XKR5: variants seen among roughly 807,000 people sequenced by gnomAD.
XKR5 encodes the protein XK-related protein 5.
Under a neutral mutation model 40.8 loss-of-function variants are expected in XKR5, and 46 were observed. The ratio of observed to expected loss-of-function variants is 1.13; its 90% CI spans 0.89 to 1.44. XKR5 has a LOEUF of 1.44. Among genes scored for constraint, XKR5 ranks in the 40% most tolerant of loss-of-function variants. The pLI is 0.00. For missense variants in XKR5, 1,169 were observed against 844.7 expected (o/e 1.38, Z -4.76); for synonymous variants, 466 against 356.1 (o/e 1.31, Z -3.48).
chr8:6,830,145 T>C (rs1406280552), intron 2 of XKR5, among the ~76,000 whole-genome samples: 2 of 152,198 alleles, frequency 1.3e-5, no homozygotes, highest in African/African-American at 4.8e-5. Context: ...CCTCAATCCT[T>C]GCATTTTTAT....
chr8:6,818,237 G>C (rs1259783513), intron 5 of XKR5, among the ~76,000 whole-genome samples: 1 of 152,190 alleles, frequency 6.6e-6, no homozygotes, highest in Non-Finnish European at 1.5e-5. Context: ...AGCTTTGCCT[G>C]AAACGTTCTA....
intron 2 of XKR5, among the ~76,000 whole-genome samples, chr8:6,831,641 C>G (rs1309757398): frequency 6.6e-6 from 1 of 152,032 alleles, no homozygotes; most frequent in Non-Finnish European, 1.5e-5. Flanking sequence ...GAACACCTTT[C>G]CAACCCTCAG....
intron 6 of XKR5, among the ~76,000 whole-genome samples, chr8:6,814,395 G>C (rs886309772): frequency 5.3e-5 from 8 of 152,098 alleles, no homozygotes; most frequent in Non-Finnish European, 7.4e-5. Context: ...CACACTGTGT[G>C]GTACTTTCAC....
intron 6 of XKR5, among the ~76,000 whole-genome samples, chr8:6,813,506 GA>G (rs1164975183): frequency 6.6e-6 from 1 of 152,222 alleles, no homozygotes; most frequent in Non-Finnish European, 1.5e-5. Context: ...GGTACTCAGT[GA>G]ATATTGGTCC....
At chr8:6,833,830 A>G (rs1034400936) in intron 1 of XKR5, among the ~76,000 whole-genome samples, 10 of 152,356 alleles carry the variant, frequency 6.6e-5, no homozygotes, top group African/African-American at 2.2e-4. Flanking sequence ...GGCATTCACT[A>G]AATGACATTG....
intron 6 of XKR5, among the ~76,000 whole-genome samples, chr8:6,815,079 G>A (rs1245777136): frequency 6.6e-6 from 1 of 152,252 alleles, no homozygotes; most frequent in Non-Finnish European, 1.5e-5. Flanking sequence ...GGCCCCACGT[G>A]AGAGGTGCAG....
chr8:6,823,266 A>G (rs1310789986), intron 4 of XKR5, among the ~76,000 whole-genome samples: 1 of 152,184 alleles, frequency 6.6e-6, no homozygotes, highest in African/African-American at 2.4e-5. Flanking sequence ...GCCTGTTTTT[A>G]TAGAAGACTA....
chr8:6,813,393 CT>C (rs1484619982), intron 6 of XKR5, among the ~76,000 whole-genome samples: 2 of 152,186 alleles, frequency 1.3e-5, no homozygotes, highest in African/African-American at 4.8e-5. Context: ...ACAAAGGCCC[CT>C]GATCACAGAA....
rs1804335274 is a variant in XKR5 at position 6,823,600 on chromosome 8, C to A, written c.558G>T (p.Arg186Ser). The A allele has an allele frequency of 6.3e-7, 1 of 1,596,336 alleles. No individual in the cohort carries two copies. The highest frequency in any genetic ancestry group is 8.5e-7 in the Non-Finnish European group (1 of 1,171,548). ...GCACGCGGGTTCCCAACATGCCCAT[C>A]CTCCAGAGCTGCTGGCAGAAGAGGG... ...WAALFCQQLW[R>S]MGMLGTRVLS... The change falls in exon 4 of 7, where the codon AGG becomes AGT. Residue 186 changes from arginine (R) to serine (S), a missense_variant. Coordinates refer to ENST00000618742, the MANE Select transcript of XKR5 (RefSeq NM_207411.5).
chr8:6,811,111 G>C lies in XKR5; in HGVS notation c.*87C>G. On this transcript the variant is annotated 3_prime_UTR_variant, in exon 7 of 7. Coordinates refer to ENST00000618742, the MANE Select transcript of XKR5 (RefSeq NM_207411.5). ...TGACAGTGATGTGCCCAAGGACACA[G>C]GTGTCAGAAGTGGGATTTCCTTTCT... 4 of 1,283,580 alleles carry C rather than the reference G, an allele frequency of 3.1e-6. No individual in the cohort carries two copies. The highest frequency in any genetic ancestry group is 4.2e-6 in the Non-Finnish European group (4 of 950,726). The allele number at this position is 1,283,580 out of a possible 1,614,324, so 79.5% of individuals were successfully genotyped here.
rs1803543972 is a variant in XKR5 at position 6,808,629 on chromosome 8, A to G, written c.*2569T>C. 1 of 152,224 alleles carries G rather than the reference A, an allele frequency of 6.6e-6. No individual in the cohort carries two copies. The highest frequency in any genetic ancestry group is 1.5e-5 in the Non-Finnish European group (1 of 68,044). 9.4% of individuals were successfully genotyped at this position (152,224 alleles called of 1,614,324 possible). A position where few individuals can be genotyped will look rare whatever the true frequency, so the allele number is the denominator to read the frequency against. ...TCTGGAGGCATGAAGTGAGGAAGCCATCTGAGAAGCCGATGTTGGTCCACA... is the reference window on the plus strand; with the variant it reads ...TCTGGAGGCATGAAGTGAGGAAGCCGTCTGAGAAGCCGATGTTGGTCCACA... On this transcript the variant is annotated 3_prime_UTR_variant, in exon 7 of 7. Coordinates refer to ENST00000618742, the MANE Select transcript of XKR5 (RefSeq NM_207411.5).
At chr8:6,825,093 G>T in intron 3 of XKR5, 72 bp downstream of exon 3, 1 of 1,572,398 alleles carries the variant, frequency 6.4e-7, no homozygotes. Context: ...GGAGGGTTTT[G>T]CTAAACAGGC....
intron 2 of XKR5, among the ~76,000 whole-genome samples, chr8:6,829,797 G>A (rs1804674441): frequency 6.8e-6 from 1 of 147,596 alleles, no homozygotes; most frequent in Non-Finnish European, 1.5e-5. Context: ...GATTACAGGT[G>A]TGAGCCGTCA....
In XKR5 at chr8:6,815,868, G is replaced by C. The variant is rs774111109; in HGVS notation, c.858C>G (p.Leu286=). The C allele has an allele frequency of 1.2e-6, 2 of 1,605,372 alleles. No homozygotes were observed. Among genetic ancestry groups the C allele is most frequent in the Non-Finnish European group, 1.7e-6 (2 of 1,176,162 alleles). The part of the protein sequence containing the change: ...IILLLLATDF[L]QGASWTSLQT... ...GCAGGCTGGTCCACGATGCCCCCTGGAGAAAGTCGGTGGCCAACAGCAACA... is the reference window on the plus strand; with the variant it reads ...GCAGGCTGGTCCACGATGCCCCCTGCAGAAAGTCGGTGGCCAACAGCAACA... Residue 286 remains leucine (L), a synonymous_variant, in exon 6 of 7, where the codon CTC becomes CTG. Coordinates refer to ENST00000618742, the MANE Select transcript of XKR5 (RefSeq NM_207411.5).
intron 6 of XKR5, 75 bp downstream of exon 6, chr8:6,815,732 C>A: frequency 9.7e-7 from 1 of 1,027,428 alleles, no homozygotes; most frequent in Non-Finnish European, 1.5e-6. Flanking sequence ...CAGTTTCCTA[C>A]CCTTTGAGCC....
chr8:6,811,586 C>G lies in XKR5; in HGVS notation c.1673G>C (p.Gly558Ala), dbSNP rs575318240. 2 of 1,537,264 alleles carry G rather than the reference C, an allele frequency of 1.3e-6. No homozygotes were observed. Among genetic ancestry groups the G allele is most frequent in the South Asian group, 1.2e-5 (1 of 84,048 alleles). Residue 558 changes from glycine to alanine, a missense_variant, in exon 7 of 7, where the codon GGC becomes GCC. Transcript: ENST00000618742. ...GGCCGTTTGCAGAGTAGCTGGGCTG[C>G]CTTCTTGTTGTGAGGATGTGGCCAC... The part of the protein sequence containing the change: ...AEVATSSQQE[G>A]SPATLQTAHS...
intron 1 of XKR5, 24 bp from the exon 2 acceptor site, chr8:6,832,924 G>A: frequency 6.5e-7 from 1 of 1,531,480 alleles, no homozygotes; most frequent in Non-Finnish European, 8.7e-7. Context: ...GGAAAGGCAA[G>A]CAGGTTGTTG....
In XKR5 at chr8:6,822,034, G is replaced by C; in HGVS notation, c.642C>G (p.Ala214=). The C allele has an allele frequency of 6.2e-7, 1 of 1,603,682 alleles. No homozygotes were observed. Among genetic ancestry groups the C allele is most frequent in the Non-Finnish European group, 8.5e-7 (1 of 1,174,966 alleles). ...GCCAGAATGTCATCACCAGCCAGTG[G>C]GCACCTGCAGAGAAGCCGGGTGCAG... is the stretch of plus-strand genomic sequence containing the variant. The part of the protein sequence containing the change: ...YHFWVFVVAG[A]HWLVMTFWLV... Residue 214 remains alanine, a synonymous_variant, in exon 5 of 7, where the codon GCC becomes GCG. Coordinates refer to ENST00000618742, the MANE Select transcript of XKR5 (RefSeq NM_207411.5).
intron 2 of XKR5, among the ~76,000 whole-genome samples, chr8:6,831,560 G>A (rs540404624): frequency 1.3e-5 from 2 of 152,126 alleles, no homozygotes; most frequent in African/African-American, 4.8e-5. Context: ...CAGTGCCTCC[G>A]GAGAAAGTCT....
Sources: allele counts gnomAD v4.1 joint callset (sites outside exome capture counted in the v4.1 genomes callset), GRCh38; gene constraint gnomAD v4.1.1; transcripts MANE v1.5; gene names NCBI Gene and HGNC (gene_info 2026-07-23, HGNC 2026-07-21).